The following FAM135B variants were observed in gnomAD, a reference collection of about 807,000 sequenced individuals.
The protein encoded by FAM135B is protein FAM135B.
A neutral mutation model predicts 127.7 loss-of-function variants in FAM135B; 43 were observed. The observed-to-expected ratio is 0.34, with a 90% CI of 0.26 to 0.43. FAM135B has a LOEUF of 0.43. FAM135B is among the 20% of genes least tolerant of loss of function. FAM135B has a pLI of 1.00. For synonymous variants in FAM135B, 670 were observed against 665.1 expected, an observed-to-expected ratio of 1.01 and a Z score of -0.11; for missense variants, 1,558 against 1,725.6, an observed-to-expected ratio of 0.90 and a Z score of 1.72.
intron 2 of FAM135B, among the ~76,000 whole-genome samples, chr8:138,313,854 G>A (rs968494785): frequency 6.6e-6 from 1 of 150,842 alleles, no homozygotes; most frequent in African/African-American, 2.4e-5. Context: ...AACACTCACA[G>A]CACCTTTGTG....
intron 2 of FAM135B, among the ~76,000 whole-genome samples, chr8:138,336,612 C>T (rs1469502809): frequency 3.3e-5 from 5 of 152,058 alleles, no homozygotes; most frequent in South Asian, 2.1e-4. Flanking sequence ...GAGGCAATAA[C>T]TAATAGCTTA....
intron 2 of FAM135B, among the ~76,000 whole-genome samples, chr8:138,330,539 T>C (rs981154658): frequency 1.3e-5 from 2 of 152,174 alleles, no homozygotes; most frequent in Non-Finnish European, 2.9e-5. Flanking sequence ...ATCACTGCCC[T>C]GTGCTGCCGC....
At chr8:138,160,128 G>C (rs1010386905) in intron 12 of FAM135B, among the ~76,000 whole-genome samples, 14 of 152,078 alleles carry the variant, frequency 9.2e-5, no homozygotes, top group African/African-American at 3.1e-4. Context: ...GTGTGCCTGG[G>C]GGGTGGTAAG....
At chr8:138,249,594 C>A (rs1821549275) in intron 6 of FAM135B, among the ~76,000 whole-genome samples, 1 of 152,202 alleles carries the variant, frequency 6.6e-6, no homozygotes, top group Non-Finnish European at 1.5e-5. Context: ...GGCGTGGTCA[C>A]TGGATCACAC....
intron 1 of FAM135B, among the ~76,000 whole-genome samples, chr8:138,483,547 T>C (rs1264312621): frequency 6.6e-6 from 1 of 152,220 alleles, no homozygotes; most frequent in Non-Finnish European, 1.5e-5. Flanking sequence ...TTTGTACATG[T>C]GTTTACAGGT....
intron 9 of FAM135B, among the ~76,000 whole-genome samples, chr8:138,180,324 G>A (rs923116797): frequency 6.6e-6 from 1 of 152,144 alleles, no homozygotes; most frequent in African/African-American, 2.4e-5. Context: ...TTTGTTCAAT[G>A]GTGGATATTT....
chr8:138,268,500 C>T (rs1207241314), intron 3 of FAM135B, among the ~76,000 whole-genome samples: 2 of 152,182 alleles, frequency 1.3e-5, no homozygotes, highest in East Asian at 3.9e-4. Flanking sequence ...TAGGGCATCG[C>T]ATAGAACAGG....
intron 1 of FAM135B, among the ~76,000 whole-genome samples, chr8:138,391,785 T>C (rs1281602913): frequency 1.3e-5 from 2 of 152,214 alleles, no homozygotes; most frequent in African/African-American, 2.4e-5. Flanking sequence ...TAGGTATTAT[T>C]ATCATCATCC....
At chr8:138,220,442 C>T (rs982345859) in intron 7 of FAM135B, among the ~76,000 whole-genome samples, 1 of 152,094 alleles carries the variant, frequency 6.6e-6, no homozygotes, top group South Asian at 2.1e-4. Context: ...GCCACACTTC[C>T]CAGGTGTGTG....
chr8:138,318,498 C>G (rs540750497), intron 2 of FAM135B, among the ~76,000 whole-genome samples: 24 of 152,262 alleles, frequency 1.6e-4, no homozygotes, highest in Middle Eastern at 6.8e-3. Context: ...GTTGATCCCC[C>G]ACAAATCCTA....
At chr8:138,364,823 T>C (rs1487021827) in intron 2 of FAM135B, among the ~76,000 whole-genome samples, 1 of 152,124 alleles carries the variant, frequency 6.6e-6, no homozygotes, top group Admixed American at 6.6e-5. Flanking sequence ...AAAATAGATA[T>C]TTTATATATT....
intron 2 of FAM135B, among the ~76,000 whole-genome samples, chr8:138,364,048 CT>C (rs1445225048): frequency 3.9e-5 from 6 of 152,306 alleles, no homozygotes; most frequent in African/African-American, 1.4e-4. Flanking sequence ...TACATTTCTT[CT>C]CCTTACTAAT....
chr8:138,462,135 C>A (rs1460916383), intron 1 of FAM135B, among the ~76,000 whole-genome samples: 1 of 151,966 alleles, frequency 6.6e-6, no homozygotes, highest in Non-Finnish European at 1.5e-5. Context: ...AGAAAGAAAA[C>A]AAAGTATTGC....
chr8:138,411,292 A>C (rs1833848258), intron 1 of FAM135B, among the ~76,000 whole-genome samples: 1 of 152,120 alleles, frequency 6.6e-6, no homozygotes, highest in East Asian at 1.9e-4. Context: ...CGAAACAGAG[A>C]TATAGATCAA....
chr8:138,440,762 C>T (rs995666486), intron 1 of FAM135B: 17 of 151,852 alleles, frequency 1.1e-4, no homozygotes, highest in Non-Finnish European at 1.5e-4. Flanking sequence ...CTGAGATATA[C>T]TCATACTGTA....
Position 138,178,655 on chromosome 8 carries a change from T to C in FAM135B, c.909A>G (p.Ile303Met). Residue 303 changes from isoleucine to methionine, a missense_variant, in exon 10 of 20, where the codon ATA becomes ATG. Transcript: ENST00000395297. The stretch of plus-strand genomic sequence containing the variant: ...ACGTGAGCCAGGCCAGATCCTTGCT[T>C]ATCTGCTCAGCGATCTTCTCTGGAT... Reference protein sequence around the residue: ...LNNPEKIAEQISKDLAWLTSH... With the variant: ...LNNPEKIAEQMSKDLAWLTSH... 6 of 1,614,058 alleles carry C rather than the reference T, an allele frequency of 3.7e-6. No homozygotes were observed. Among genetic ancestry groups the C allele is most frequent in the Non-Finnish European group, 5.1e-6 (6 of 1,180,016 alleles).
chr8:138,158,272 C>T (rs1563705792), intron 12 of FAM135B, among the ~76,000 whole-genome samples: 1 of 152,144 alleles, frequency 6.6e-6, no homozygotes, highest in African/African-American at 2.4e-5. Context: ...AAATGGATCC[C>T]TTCCTTACAC....
chr8:138,466,462 T>C (rs1166136224), intron 1 of FAM135B, among the ~76,000 whole-genome samples: 1 of 152,164 alleles, frequency 6.6e-6, no homozygotes, highest in East Asian at 1.9e-4. Context: ...AAAGGCAATG[T>C]GACCAGGTGG....
rs902899492 is a variant in FAM135B, at chr8:138,420,569, C to T, written c.-19-52567G>A. Among the ~76,000 whole-genome samples, 3 of 151,712 alleles carry T rather than the reference C, an allele frequency of 2.0e-5. No individual in the cohort carries two copies. In the East Asian group the frequency reaches 5.8e-4, roughly 29 times the overall value. On this transcript the variant is annotated intron_variant, in intron 1 of 19. Transcript: ENST00000395297. ...GACACAACAGAAAAAGAAAACAGTCCACTATCCTTGATGAATGTAGATGTA... is the reference window on the plus strand; with the variant it reads ...GACACAACAGAAAAAGAAAACAGTCTACTATCCTTGATGAATGTAGATGTA...
Sources: gnomAD v4.1 joint callset for allele counts (sites outside exome capture counted in the v4.1 genomes callset) on GRCh38, gnomAD v4.1.1 for gene constraint, MANE v1.5 for transcripts, NCBI Gene and HGNC (gene_info 2026-07-23, HGNC 2026-07-21) for gene names.